CDKAL1: variants seen among roughly 807,000 people sequenced by gnomAD.
The protein encoded by CDKAL1 is threonylcarbamoyladenosine tRNA methylthiotransferase.
CDKAL1 carries 32 observed loss-of-function variants against 68.2 expected under a neutral mutation model. That is an observed-to-expected ratio of 0.47 (90% CI 0.35 to 0.63). The LOEUF (loss-of-function observed/expected upper bound fraction) is 0.63, where lower values mean the gene tolerates loss of function less well. Among genes scored for constraint, CDKAL1 ranks in the 30% least tolerant of loss-of-function variants. The pLI is 0.00. For missense variants in CDKAL1, 606 were observed against 696.7 expected, an observed-to-expected ratio of 0.87 and a Z score of 1.47; for synonymous variants, 234 against 244.3, an observed-to-expected ratio of 0.96 and a Z score of 0.39.
At chr6:21,031,094 G>A (rs1416958183) in intron 11 of CDKAL1, among the ~76,000 whole-genome samples, 3 of 152,058 alleles carry the variant, frequency 2.0e-5, no homozygotes, top group African/African-American at 7.2e-5. Context: ...CAAGGTATTG[G>A]TCGGGGCTGT....
intron 15 of CDKAL1, among the ~76,000 whole-genome samples, chr6:21,207,339 A>C (rs1010048450): frequency 6.6e-6 from 1 of 152,058 alleles, no homozygotes; most frequent in African/African-American, 2.4e-5. Flanking sequence ...ACAGCCTAGC[A>C]CCATTGGGAG....
Position 21,197,454 on chromosome 6 carries a change from A to G in CDKAL1, c.1300-567A>G, listed in dbSNP as rs545702353. On this transcript the variant is annotated intron_variant, in intron 13 of 15. Coordinates refer to ENST00000274695, the MANE Select transcript of CDKAL1 (RefSeq NM_017774.3). ...TGCCTGTGACAGAGAAAATGTATAT[A>G]ATAAGTAAATAGCTCTGTGAATTAC... 2.6e-5 allele frequency among the ~76,000 whole-genome samples: 4 copies of G among 152,332 alleles called. No individual in the cohort carries two copies. In the East Asian group the frequency reaches 7.7e-4, roughly 29 times the overall value.
intron 15 of CDKAL1, among the ~76,000 whole-genome samples, chr6:21,202,666 T>C (rs1562113518): frequency 1.3e-5 from 2 of 152,204 alleles, no homozygotes; most frequent in African/African-American, 4.8e-5. Context: ...CTCTGCCTGG[T>C]TTAATTCCTT....
intron 5 of CDKAL1, among the ~76,000 whole-genome samples, chr6:20,686,851 G>A (rs1026194552): frequency 7.2e-5 from 11 of 152,128 alleles, no homozygotes; most frequent in African/African-American, 2.7e-4. Flanking sequence ...ACTAGTTGAA[G>A]TTACTCTATA....
chr6:21,047,118 T>C (rs1395916449), intron 11 of CDKAL1, among the ~76,000 whole-genome samples: 1 of 151,358 alleles, frequency 6.6e-6, no homozygotes, highest in Non-Finnish European at 1.5e-5. Flanking sequence ...AGAGATGGAG[T>C]CTCACCATGT....
At chr6:21,036,172 A>T (rs553151536) in intron 11 of CDKAL1, among the ~76,000 whole-genome samples, 2 of 152,300 alleles carry the variant, frequency 1.3e-5, no homozygotes, top group East Asian at 3.9e-4. Context: ...TTTAAACATT[A>T]GTTGTTGTTA....
intron 5 of CDKAL1, among the ~76,000 whole-genome samples, chr6:20,677,325 C>T (rs1770162911): frequency 6.6e-6 from 1 of 152,198 alleles, no homozygotes; most frequent in Admixed American, 6.5e-5. Flanking sequence ...CTGCCTCAGC[C>T]TCTCAAAGTG....
chr6:20,958,943 G>A (rs1764917637), intron 10 of CDKAL1, among the ~76,000 whole-genome samples: 2 of 152,084 alleles, frequency 1.3e-5, no homozygotes, highest in African/African-American at 4.8e-5. Context: ...ATAAAGGAAA[G>A]CACCAAAGTT....
intron 8 of CDKAL1, among the ~76,000 whole-genome samples, chr6:20,785,329 T>G (rs1581576667): frequency 6.7e-6 from 1 of 150,000 alleles, no homozygotes; most frequent in Non-Finnish European, 1.5e-5. Flanking sequence ...TTTTTTTTTT[T>G]TTTTGAGATG....
intron 15 of CDKAL1, among the ~76,000 whole-genome samples, chr6:21,217,935 T>C (rs1163319439): frequency 1.3e-5 from 2 of 152,224 alleles, no homozygotes; most frequent in African/African-American, 4.8e-5. Flanking sequence ...GATTTCTTTA[T>C]GTAGTCTAGA....
chr6:21,142,201 C>G (rs1329407018), intron 13 of CDKAL1, among the ~76,000 whole-genome samples: 1 of 151,962 alleles, frequency 6.6e-6, no homozygotes, highest in African/African-American at 2.4e-5. Context: ...CTTTTCTCCC[C>G]TCTTGGCAAG....
chr6:21,043,975 G>GT (rs1164816984), intron 11 of CDKAL1, among the ~76,000 whole-genome samples: 4 of 152,196 alleles, frequency 2.6e-5, no homozygotes, highest in African/African-American at 9.7e-5. Context: ...AATGTTTGCT[G>GT]TAATTGGAGC....
chr6:21,105,380 A>G (rs1470938109), intron 12 of CDKAL1, among the ~76,000 whole-genome samples: 2 of 152,148 alleles, frequency 1.3e-5, no homozygotes, highest in Non-Finnish European at 2.9e-5. Flanking sequence ...ATTTTGGCTG[A>G]TCTGTAGGAG....
chr6:20,746,696 G>A (rs1451891027), intron 6 of CDKAL1, among the ~76,000 whole-genome samples: 2 of 152,126 alleles, frequency 1.3e-5, no homozygotes, highest in Non-Finnish European at 1.5e-5. Flanking sequence ...GACTTTATAT[G>A]TATAGTTCTT....
intron 13 of CDKAL1, among the ~76,000 whole-genome samples, chr6:21,119,122 C>A (rs910281355): frequency 1.3e-5 from 2 of 152,172 alleles, no homozygotes; most frequent in African/African-American, 4.8e-5. Flanking sequence ...TCTTCCCCTC[C>A]TCTGCTCCTT....
chr6:20,937,185 C>T (rs1298031911), intron 9 of CDKAL1, among the ~76,000 whole-genome samples: 2 of 152,124 alleles, frequency 1.3e-5, no homozygotes, highest in Non-Finnish European at 2.9e-5. Context: ...ACCTCCCTGG[C>T]TCAAGCCATC....
At chr6:21,113,874 A>G (rs796090716) in intron 13 of CDKAL1, among the ~76,000 whole-genome samples, 3 of 152,088 alleles carry the variant, frequency 2.0e-5, no homozygotes, top group African/African-American at 7.2e-5. Flanking sequence ...CAGGCAGTCC[A>G]GGCTGCAGTG....
intron 8 of CDKAL1, among the ~76,000 whole-genome samples, chr6:20,835,189 A>C (rs975252025): frequency 6.6e-6 from 1 of 152,174 alleles, no homozygotes; most frequent in East Asian, 1.9e-4. Flanking sequence ...GGATATGTTC[A>C]TTATCATGAT....
At chr6:21,078,939 C>A (rs1361080035) in intron 12 of CDKAL1, among the ~76,000 whole-genome samples, 1 of 152,148 alleles carries the variant, frequency 6.6e-6, no homozygotes, top group Non-Finnish European at 1.5e-5. Context: ...AGCACAATAC[C>A]TGGCATAGAG....
Sources: gnomAD v4.1 joint callset for allele counts (sites outside exome capture counted in the v4.1 genomes callset) on GRCh38, gnomAD v4.1.1 for gene constraint, MANE v1.5 for transcripts, NCBI Gene and HGNC (gene_info 2026-07-23, HGNC 2026-07-21) for gene names.